Variants in BRINP3 observed in about 807,000 individuals in gnomAD.
BRINP3 encodes BMP/retinoic acid inducible neural specific 3, also known as BMP/retinoic acid-inducible neural-specific protein 3.
Under a neutral mutation model 71.0 loss-of-function variants are expected in BRINP3, and 19 were observed. The observed-to-expected ratio is 0.27, with a 90% CI of 0.19 to 0.39. The LOEUF (loss-of-function observed/expected upper bound fraction) is 0.39. BRINP3 is among the 10% of genes least tolerant of loss of function. BRINP3 has a pLI of 1.00. For missense variants in BRINP3, 959 were observed against 940.8 expected (o/e 1.02, Z -0.25); for synonymous variants, 380 against 337.7 (o/e 1.13, Z -1.37).
At chr1:190,269,976 A>T in intron 3 of BRINP3, among the ~76,000 whole-genome samples, 1 of 152,040 alleles carries the variant, frequency 6.6e-6, no homozygotes, top group East Asian at 1.9e-4. Flanking sequence ...ATAAATGCCC[A>T]TCGGTAGGAA....
chr1:190,141,314 T>A (rs1368847325), intron 7 of BRINP3, among the ~76,000 whole-genome samples: 1 of 151,956 alleles, frequency 6.6e-6, no homozygotes, highest in African/African-American at 2.4e-5. Context: ...ACTAAATTGC[T>A]ATAACTCTTC....
Position 190,236,663 on chromosome 1 carries a change from T to C in BRINP3, c.619-2186A>G, listed in dbSNP as rs202075363. On this transcript the variant is annotated intron_variant, in intron 4 of 7. Coordinates refer to ENST00000367462, the MANE Select transcript of BRINP3 (RefSeq NM_199051.3). ...TCCACCTACTATTCCCCACTACTGATACTGAATAGACCTTACTTTGTTTAG... is the reference window on the plus strand; with the variant it reads ...TCCACCTACTATTCCCCACTACTGACACTGAATAGACCTTACTTTGTTTAG... 3.3e-4 allele frequency among the ~76,000 whole-genome samples: 50 copies of C among 152,078 alleles called. 1 individual carries two copies. The East Asian group carries it at 8.3e-3, about 25-fold the overall frequency.
At chr1:190,131,450 A>T (rs1654538484) in intron 7 of BRINP3, among the ~76,000 whole-genome samples, 1 of 152,008 alleles carries the variant, frequency 6.6e-6, no homozygotes, top group Admixed American at 6.6e-5. Context: ...TGTAGATTCC[A>T]GGTTAGAAAC....
chr1:190,137,800 G>GA (rs1292691109), intron 7 of BRINP3, among the ~76,000 whole-genome samples: 7 of 151,862 alleles, frequency 4.6e-5, no homozygotes, highest in East Asian at 1.9e-4. Context: ...AGAGAATAAA[G>GA]AAAAAAGTAC....
intron 2 of BRINP3, among the ~76,000 whole-genome samples, chr1:190,428,247 C>A (rs1227774272): frequency 1.3e-5 from 2 of 151,906 alleles, no homozygotes; most frequent in Non-Finnish European, 2.9e-5. Context: ...TTAACACAAT[C>A]TCTAAATTGC....
intron 6 of BRINP3, among the ~76,000 whole-genome samples, chr1:190,164,582 CA>C (rs1168254798): frequency 2.0e-5 from 3 of 151,956 alleles, no homozygotes; most frequent in African/African-American, 4.8e-5. Context: ...CTGTTTCAGA[CA>C]TTGATTTTTT....
chr1:190,152,641 G>T (rs1316598641), intron 7 of BRINP3, among the ~76,000 whole-genome samples: 2 of 144,700 alleles, frequency 1.4e-5, no homozygotes, highest in Admixed American at 1.5e-4. Flanking sequence ...CATCTTTCCT[G>T]TGTACACTGT....
chr1:190,455,652 T>C (rs1675935620), intron 1 of BRINP3, among the ~76,000 whole-genome samples: 2 of 152,126 alleles, frequency 1.3e-5, no homozygotes, highest in African/African-American at 2.4e-5. Flanking sequence ...TATCTGATTA[T>C]TTAAACAAAA....
intron 1 of BRINP3, among the ~76,000 whole-genome samples, chr1:190,465,984 G>A (rs1316455320): frequency 1.3e-5 from 2 of 151,774 alleles, no homozygotes; most frequent in Admixed American, 1.3e-4. Flanking sequence ...TGCCTTTCCT[G>A]GCAGAATCTA....
At chr1:190,141,603 C>G (rs1450324792) in intron 7 of BRINP3, among the ~76,000 whole-genome samples, 1 of 140,962 alleles carries the variant, frequency 7.1e-6, no homozygotes, top group South Asian at 2.2e-4. Flanking sequence ...GCTCTGTCAC[C>G]CAGGCTAGTG....
intron 7 of BRINP3, among the ~76,000 whole-genome samples, chr1:190,120,138 C>T (rs1388391424): frequency 4.0e-5 from 6 of 150,676 alleles, no homozygotes; most frequent in Admixed American, 4.0e-4. Flanking sequence ...TTGAAAAAAT[C>T]CAAAGGCTAG....
rs182977667 is a variant in BRINP3 at position 190,225,429 on chromosome 1, A to G, written c.961+653T>C. Among the ~76,000 whole-genome samples, 488 of 152,080 alleles carry G rather than the reference A, an allele frequency of 3.2e-3. 4 individuals are homozygous for G. The highest frequency in any genetic ancestry group is 0.011 in the African/African-American group (460 of 41,558). Reference sequence around the variant, plus strand: ...CCACTCATATGTGGAAGCTAAAAAAAGTAGAACTCATGAAGATAGAGAGTA... The same window carrying G: ...CCACTCATATGTGGAAGCTAAAAAAGGTAGAACTCATGAAGATAGAGAGTA... On this transcript the variant is annotated intron_variant, in intron 6 of 7. Transcript: ENST00000367462.
At chr1:190,111,349 G>T (rs892218787) in intron 7 of BRINP3, among the ~76,000 whole-genome samples, 1 of 151,392 alleles carries the variant, frequency 6.6e-6, no homozygotes, top group African/African-American at 2.4e-5. Context: ...GAAGTGTTAC[G>T]GTATCTGGTT....
chr1:190,439,565 G>T (rs1186257913), intron 2 of BRINP3, among the ~76,000 whole-genome samples: 1 of 151,734 alleles, frequency 6.6e-6, no homozygotes, highest in African/African-American at 2.4e-5. Context: ...GTGTTTGAAT[G>T]AATTAATGGT....
chr1:190,223,922 C>A (rs566136515), intron 6 of BRINP3, among the ~76,000 whole-genome samples: 9 of 151,670 alleles, frequency 5.9e-5, no homozygotes, highest in South Asian at 2.1e-4. Context: ...TACCTCAAAG[C>A]AATCAAACCA....
chr1:190,420,656 C>T (rs1673316159), intron 2 of BRINP3, among the ~76,000 whole-genome samples: 1 of 151,884 alleles, frequency 6.6e-6, no homozygotes, highest in African/African-American at 2.4e-5. Flanking sequence ...TTTCATGCTC[C>T]AATTGTAGAA....
intron 2 of BRINP3, among the ~76,000 whole-genome samples, chr1:190,401,671 G>A (rs1671939088): frequency 1.3e-5 from 2 of 151,912 alleles, no homozygotes; most frequent in Non-Finnish European, 2.9e-5. Flanking sequence ...AGTGTGAGAA[G>A]CATTGATGTG....
chr1:190,116,693 G>A (rs1414279667), intron 7 of BRINP3, among the ~76,000 whole-genome samples: 2 of 152,026 alleles, frequency 1.3e-5, no homozygotes, highest in Non-Finnish European at 2.9e-5. Context: ...CCAAAATCAA[G>A]TGAGGGAAAT....
At chr1:190,224,780 A>G (rs904264629) in intron 6 of BRINP3, among the ~76,000 whole-genome samples, 3 of 152,018 alleles carry the variant, frequency 2.0e-5, no homozygotes, top group Non-Finnish European at 4.4e-5. Flanking sequence ...AAACAACTAA[A>G]TAACCAAAAC....
Sources: gnomAD v4.1 joint callset for allele counts (sites outside exome capture counted in the v4.1 genomes callset) on GRCh38, gnomAD v4.1.1 for gene constraint, MANE v1.5 for transcripts, NCBI Gene and HGNC (gene_info 2026-07-23, HGNC 2026-07-21) for gene names.